UBE2E2: variants seen among roughly 807,000 people sequenced by gnomAD.
The protein encoded by UBE2E2 is ubiquitin conjugating enzyme E2 E2.
A neutral mutation model predicts 24.7 loss-of-function variants in UBE2E2; 6 were observed. The observed-to-expected ratio is 0.24, with a 90% CI of 0.13 to 0.48. UBE2E2 has a LOEUF of 0.48. UBE2E2 is among the 20% of genes least tolerant of loss of function. The pLI, the probability that UBE2E2 is intolerant of heterozygous loss-of-function variation, is 0.99. For synonymous variants in UBE2E2, 104 were observed against 83.6 expected (o/e 1.24, Z -1.33); for missense variants, 169 against 245.0 (o/e 0.69, Z 2.07).
chr3:23,529,233 A>G (rs1695066887), intron 4 of UBE2E2, among the ~76,000 whole-genome samples: 1 of 152,198 alleles, frequency 6.6e-6, no homozygotes, highest in Non-Finnish European at 1.5e-5. Context: ...TATTCACACA[A>G]ATCTATACAT....
chr3:23,274,041 A>C (rs1477576606), intron 3 of UBE2E2: 8 of 152,236 alleles, frequency 5.3e-5, no homozygotes, highest in Non-Finnish European at 1.5e-5. Context: ...TGTTGATATA[A>C]GAAGGGAGTC....
At chr3:23,478,776 C>T (rs1287242139) in intron 3 of UBE2E2, among the ~76,000 whole-genome samples, 1 of 152,214 alleles carries the variant, frequency 6.6e-6, no homozygotes, top group Non-Finnish European at 1.5e-5. Context: ...CATGATGGCT[C>T]TTGCCTATAA....
chr3:23,480,131 G>C (rs1699226021), intron 3 of UBE2E2, among the ~76,000 whole-genome samples: 2 of 152,156 alleles, frequency 1.3e-5, no homozygotes, highest in African/African-American at 4.8e-5. Flanking sequence ...GCGCCCACAG[G>C]TCCATGCCAA....
intron 3 of UBE2E2, among the ~76,000 whole-genome samples, chr3:23,315,518 T>C (rs1249447570): frequency 6.6e-6 from 1 of 152,198 alleles, no homozygotes; most frequent in African/African-American, 2.4e-5. Flanking sequence ...CTGAATTCCT[T>C]CTGTATTATC....
chr3:23,379,712 A>G (rs908251530), intron 3 of UBE2E2, among the ~76,000 whole-genome samples: 1 of 152,128 alleles, frequency 6.6e-6, no homozygotes, highest in East Asian at 1.9e-4. Flanking sequence ...CGGACATGGT[A>G]CTAAGACATG....
At chr3:23,331,521 T>C (rs549044350) in intron 3 of UBE2E2, among the ~76,000 whole-genome samples, 1 of 151,050 alleles carries the variant, frequency 6.6e-6, no homozygotes, top group Admixed American at 6.6e-5. Context: ...GGGGGTAAGG[T>C]GGTGATTTCA....
chr3:23,457,549 G>A (rs573159411), intron 3 of UBE2E2, among the ~76,000 whole-genome samples: 1 of 152,174 alleles, frequency 6.6e-6, no homozygotes, highest in East Asian at 1.9e-4. Context: ...TTTGGAGGTA[G>A]GGTCTTGCTC....
At chr3:23,328,080 G>A (rs1012602473) in intron 3 of UBE2E2, among the ~76,000 whole-genome samples, 6 of 151,934 alleles carry the variant, frequency 3.9e-5, no homozygotes, top group Admixed American at 1.3e-4. Flanking sequence ...AAATACTGAG[G>A]AAATCAAATG....
At chr3:23,380,465 A>G (rs1392160760) in intron 3 of UBE2E2, among the ~76,000 whole-genome samples, 1 of 152,058 alleles carries the variant, frequency 6.6e-6, no homozygotes, top group Non-Finnish European at 1.5e-5. Flanking sequence ...GCCTCAAGTG[A>G]TCCTCCCGCC....
At chr3:23,385,687 C>T (rs1463343158) in intron 3 of UBE2E2, among the ~76,000 whole-genome samples, 1 of 152,184 alleles carries the variant, frequency 6.6e-6, no homozygotes, top group Non-Finnish European at 1.5e-5. Context: ...GCAGAGTCCT[C>T]AAAGTCCTAC....
chr3:23,373,248 G>A (rs1179391045), intron 3 of UBE2E2, among the ~76,000 whole-genome samples: 1 of 152,128 alleles, frequency 6.6e-6, no homozygotes, highest in African/African-American at 2.4e-5. Context: ...CAGGTTGGTG[G>A]AAATGGAAAG....
At chr3:23,277,767 G>A (rs1698403300) in intron 3 of UBE2E2, among the ~76,000 whole-genome samples, 1 of 152,010 alleles carries the variant, frequency 6.6e-6, no homozygotes, top group African/African-American at 2.4e-5. Context: ...CTATGTTAGT[G>A]ACCCAAACAG....
At chr3:23,231,136 C>G (rs1183436085) in intron 3 of UBE2E2, among the ~76,000 whole-genome samples, 1 of 152,106 alleles carries the variant, frequency 6.6e-6, no homozygotes, top group Non-Finnish European at 1.5e-5. Flanking sequence ...TTATATTTCC[C>G]AGATTCTGGA....
intron 3 of UBE2E2, among the ~76,000 whole-genome samples, chr3:23,239,654 G>A (rs748130604): frequency 6.6e-6 from 1 of 152,200 alleles, no homozygotes; most frequent in Non-Finnish European, 1.5e-5. Context: ...CATTAAAGAA[G>A]AAGGTGAAAT....
intron 5 of UBE2E2, among the ~76,000 whole-genome samples, chr3:23,570,162 C>G (rs1166493969): frequency 6.6e-6 from 1 of 152,106 alleles, no homozygotes. Context: ...CTTTTTCCCC[C>G]TAATCAAGCC....
At chr3:23,221,920 A>G (rs1696659622) in intron 3 of UBE2E2, among the ~76,000 whole-genome samples, 1 of 152,190 alleles carries the variant, frequency 6.6e-6, no homozygotes, top group African/African-American at 2.4e-5. Flanking sequence ...ATATACATAC[A>G]TGATTTACCA....
rs1193244031 is a variant in UBE2E2, at chr3:23,589,086, T to G, written c.509-648T>G. 6.6e-6 allele frequency among the ~76,000 whole-genome samples: 1 copy of G among 152,004 alleles called. No homozygotes were observed. The highest frequency in any genetic ancestry group is 1.5e-5 in the Non-Finnish European group (1 of 67,996). The stretch of plus-strand genomic sequence containing the variant: ...CCCAGGAGAGCTCATCAAGAGCCCA[T>G]GAGTCCCCTGCCCACAGCCCACCTG... On this transcript the variant is annotated intron_variant, in intron 5 of 5. Transcript: ENST00000396703. This position sits in a 1 kb window ranked among gnomAD's most constrained non-coding sequence, Gnocchi z 4.1.
chr3:23,484,734 G>A (rs1410281754), intron 3 of UBE2E2, among the ~76,000 whole-genome samples: 1 of 152,224 alleles, frequency 6.6e-6, no homozygotes, highest in African/African-American at 2.4e-5. Flanking sequence ...ATGGCGCGAG[G>A]TGAAGGGGGA....
chr3:23,526,829 T>A (rs1695010116), intron 4 of UBE2E2, among the ~76,000 whole-genome samples: 1 of 152,316 alleles, frequency 6.6e-6, no homozygotes, highest in South Asian at 2.1e-4. Flanking sequence ...TCAAAGTAGA[T>A]CCTTTTGTTA....
Sources: gnomAD v4.1 joint callset for allele counts (sites outside exome capture counted in the v4.1 genomes callset) on GRCh38, gnomAD v4.1.1 for gene constraint, Gnocchi (gnomAD v3.1) non-coding constraint, MANE v1.5 for transcripts, NCBI Gene and HGNC (gene_info 2026-07-23, HGNC 2026-07-21) for gene names.